Variants in BTAF1 observed in about 807,000 individuals in gnomAD.
The protein encoded by BTAF1 is B-TFIID TATA-box binding protein associated factor 1.
A neutral mutation model predicts 227.1 loss-of-function variants in BTAF1; 38 were observed. The ratio of observed to expected loss-of-function variants is 0.17; its 90% CI spans 0.13 to 0.22. The LOEUF (loss-of-function observed/expected upper bound fraction) is 0.22, where lower values mean the gene tolerates loss of function less well. Among genes scored for constraint, BTAF1 ranks in the 10% least tolerant of loss-of-function variants. The probability of loss-of-function intolerance (pLI) is 1.00; values close to 1 mark genes in which losing one functional copy is unlikely to be tolerated. For missense variants in BTAF1, 1,598 were observed against 2,204.0 expected (o/e 0.73, Z 5.51); for synonymous variants, 742 against 751.9 (o/e 0.99, Z 0.21).
chr10:92,005,828 T>A lies in BTAF1; in HGVS notation c.3661-2295T>A, dbSNP rs1246459672. On this transcript the variant is annotated intron_variant, in intron 25 of 37. Transcript: ENST00000265990. ...TGAGAAGAGTGACATTGCATTATAC[T>A]ATTGCAGATCTTTTTTATGTCTGGT... is the stretch of plus-strand genomic sequence containing the variant. Among the ~76,000 whole-genome samples, 3 of 152,080 alleles carry A rather than the reference T, an allele frequency of 2.0e-5. No homozygotes were observed. In the East Asian group the frequency reaches 5.8e-4, roughly 29 times the overall value.
At position 91,995,383 on chromosome 10, in the gene BTAF1, T is replaced by C. The variant is rs141183339; in HGVS notation, c.3309+739T>C. On this transcript the variant is annotated intron_variant, in intron 23 of 37. Coordinates refer to ENST00000265990, the MANE Select transcript of BTAF1 (RefSeq NM_003972.3). The stretch of plus-strand genomic sequence containing the variant: ...AAAAGTTTTGCTGATTTACTGTTAG[T>C]AAAGAAAAGTAGGCCGGGCGTGGTG... Among the ~76,000 whole-genome samples the C allele has an allele frequency of 2.0e-3, 311 of 152,020 alleles. 3 individuals are homozygous for C. Among genetic ancestry groups the C allele is most frequent in the African/African-American group, 6.5e-3 (271 of 41,470 alleles).
chr10:92,018,422 C>A (rs901100510), intron 33 of BTAF1, among the ~76,000 whole-genome samples: 1 of 152,110 alleles, frequency 6.6e-6, no homozygotes, highest in African/African-American at 2.4e-5. Context: ...ACTTTTGTAT[C>A]CAAAATGATC....
Position 92,007,756 on chromosome 10 carries a change from G to C in BTAF1, c.3661-367G>C, listed in dbSNP as rs146067129. On this transcript the variant is annotated intron_variant, in intron 25 of 37. Coordinates refer to ENST00000265990, the MANE Select transcript of BTAF1 (RefSeq NM_003972.3). ...GTTGAAAAGGTCTTAGAGATCCATA[G>C]GGGTCGCGCAGACCACATTTTGAGA... 8.9e-4 allele frequency among the ~76,000 whole-genome samples: 136 copies of C among 152,338 alleles called. 1 individual carries two copies. The highest frequency in any genetic ancestry group is 3.2e-3 in the African/African-American group (131 of 41,584).
intron 5 of BTAF1, among the ~76,000 whole-genome samples, chr10:91,952,313 T>C (rs1845823179): frequency 6.6e-6 from 1 of 152,178 alleles, no homozygotes; most frequent in Non-Finnish European, 1.5e-5. Flanking sequence ...TACCATAATT[T>C]CACTCTTTTC....
intron 14 of BTAF1, among the ~76,000 whole-genome samples, chr10:91,971,752 A>C (rs113169200): frequency 4.6e-5 from 7 of 152,172 alleles, no homozygotes; most frequent in Middle Eastern, 3.4e-3. Context: ...GATTACAGGC[A>C]TGAGCCACCG....
chr10:92,012,008 C>A (rs1850322792), intron 30 of BTAF1, among the ~76,000 whole-genome samples: 1 of 151,238 alleles, frequency 6.6e-6, no homozygotes, highest in South Asian at 2.1e-4. Context: ...CGTGTGACCT[C>A]TAAGATTCCT....
At chr10:91,943,431 A>G (rs963663915) in intron 4 of BTAF1, among the ~76,000 whole-genome samples, 9 of 152,238 alleles carry the variant, frequency 5.9e-5, no homozygotes, top group Admixed American at 1.3e-4. Context: ...GGAGTGGGGA[A>G]AAAACCTTGA....
In BTAF1 at chr10:92,007,210, C is replaced by CTTTTTTTTT. The variant is rs969389265; in HGVS notation, c.3661-895_3661-887dup. On this transcript the variant is annotated intron_variant, in intron 25 of 37. Coordinates refer to ENST00000265990, the MANE Select transcript of BTAF1 (RefSeq NM_003972.3). ...ACTGCTCTATCAAGGTATTTTTTGT[C>CTTTTTTTTT]TTTTTTTTTTTTTTTTTTTTTTTTT... is the stretch of plus-strand genomic sequence containing the variant. Among the ~76,000 whole-genome samples, 62 of 61,280 alleles carry CTTTTTTTTT rather than the reference C, an allele frequency of 1.0e-3. 4 individuals are homozygous for CTTTTTTTTT. Among genetic ancestry groups the CTTTTTTTTT allele is most frequent in the Non-Finnish European group, 1.6e-3 (50 of 30,504 alleles). 40.2% of individuals were successfully genotyped at this position (61,280 alleles called of 152,430 possible).
At chr10:91,964,811 C>T (rs900422657) in intron 13 of BTAF1, among the ~76,000 whole-genome samples, 1 of 152,152 alleles carries the variant, frequency 6.6e-6, no homozygotes, top group Admixed American at 6.5e-5. Context: ...ACCTTTTAGA[C>T]TGGCCCTTGA....
intron 4 of BTAF1, among the ~76,000 whole-genome samples, chr10:91,949,754 C>G (rs1316596061): frequency 1.3e-5 from 2 of 152,120 alleles, no homozygotes; most frequent in East Asian, 1.9e-4. Context: ...CTCTCTGGCT[C>G]TCTTTCTTTT....
chr10:91,971,949 T>G (rs921862379), intron 14 of BTAF1, among the ~76,000 whole-genome samples: 2 of 152,168 alleles, frequency 1.3e-5, no homozygotes, highest in African/African-American at 4.8e-5. Context: ...TTCAAGTTTT[T>G]GTCATAAAAA....
Position 91,942,512 on chromosome 10 carries a change from G to A in BTAF1, c.344G>A (p.Gly115Asp), listed in dbSNP as rs150594399. 4.3e-6 allele frequency: 7 copies of A among 1,614,056 alleles called. No homozygotes were observed. Among genetic ancestry groups the A allele is most frequent in the Non-Finnish European group, 5.9e-6 (7 of 1,180,000 alleles). The change falls in exon 4 of 38, where the codon GGT becomes GAT. Residue 115 changes from glycine (G) to aspartate (D), a missense_variant. Coordinates refer to ENST00000265990, the MANE Select transcript of BTAF1 (RefSeq NM_003972.3). ...RFDICRLLQH[G>D]ASLLGSAGAE... The stretch of plus-strand genomic sequence containing the variant: ...GATATATGTAGATTGTTACAACATG[G>A]TGCATCACTCCTGGGATCTGCTGGT...
chr10:91,924,267 T>C (rs1025530491), intron 1 of BTAF1, among the ~76,000 whole-genome samples, 177 bp downstream of exon 1: 4 of 152,260 alleles, frequency 2.6e-5, no homozygotes, highest in African/African-American at 9.6e-5. Context: ...GGGTTACTCC[T>C]GGGTAAATCG....
At chr10:91,961,619 A>G (rs1355248210) in intron 11 of BTAF1, among the ~76,000 whole-genome samples, 1 of 152,058 alleles carries the variant, frequency 6.6e-6, no homozygotes, top group Non-Finnish European at 1.5e-5. Context: ...CCCCATAAAC[A>G]AAACCTTTTT....
chr10:91,950,253 C>G (rs962914987), intron 4 of BTAF1, among the ~76,000 whole-genome samples: 1 of 151,084 alleles, frequency 6.6e-6, no homozygotes, highest in African/African-American at 2.4e-5. Flanking sequence ...AAAGGGGAAA[C>G]TTTTGTTTTT....
intron 25 of BTAF1, among the ~76,000 whole-genome samples, chr10:92,005,557 A>G (rs909490424): frequency 1.3e-5 from 2 of 151,752 alleles, no homozygotes; most frequent in Non-Finnish European, 2.9e-5. Context: ...ATTTATTCCT[A>G]TTTTATTTTT....
At chr10:91,947,735 C>CA (rs34292341) in intron 4 of BTAF1, among the ~76,000 whole-genome samples, 45,317 of 104,958 alleles carry the variant, frequency 0.43, 10,965 homozygotes, top group South Asian at 0.62. Context: ...TCAATGTTTG[C>CA]AAAAAAAAAA....
At position 91,993,702 on chromosome 10, in the gene BTAF1, G is replaced by A. The variant is rs778727047; in HGVS notation, c.3054G>A (p.Lys1018=). 2 of 1,523,684 alleles carry A rather than the reference G, an allele frequency of 1.3e-6. No homozygotes were observed. Among genetic ancestry groups the A allele is most frequent in the East Asian group, 2.3e-5 (1 of 42,724 alleles). The allele number at this position is 1,523,684 out of a possible 1,614,324, so 94.4% of individuals were successfully genotyped here. Residue 1018 remains lysine, a synonymous_variant, in exon 22 of 38, where the codon AAG becomes AAA. Coordinates refer to ENST00000265990, the MANE Select transcript of BTAF1 (RefSeq NM_003972.3). ...TAACATTTAATTTTAAGGCCCAGAAGCCTTACCTGGTACAACGGAGAGGAG... is the reference window on the plus strand; with the variant it reads ...TAACATTTAATTTTAAGGCCCAGAAACCTTACCTGGTACAACGGAGAGGAG... ...NILVELDEAQ[K]PYLVQRRGAE...
intron 36 of BTAF1, 109 bp downstream of exon 36, chr10:92,026,860 G>A (rs554323933): frequency 1.6e-6 from 2 of 1,225,710 alleles, no homozygotes; most frequent in Admixed American, 5.2e-5. Context: ...ACATACATGT[G>A]TTATGACCTT....
Sources: allele counts gnomAD v4.1 joint callset (sites outside exome capture counted in the v4.1 genomes callset), GRCh38; gene constraint gnomAD v4.1.1; transcripts MANE v1.5; gene names NCBI Gene and HGNC (gene_info 2026-07-23, HGNC 2026-07-21).